The following PDE1A variants were observed in gnomAD, a reference collection of about 807,000 sequenced individuals.
The protein encoded by PDE1A is phosphodiesterase 1A.
In PDE1A, 35 loss-of-function variants were observed where a neutral mutation model predicts 61.7. That is an observed-to-expected ratio of 0.57 (90% CI 0.43 to 0.75). The LOEUF (loss-of-function observed/expected upper bound fraction) is 0.75, where lower values mean the gene tolerates loss of function less well. PDE1A is among the 30% of genes least tolerant of loss of function. The pLI is 0.00. For synonymous variants in PDE1A, 232 were observed against 213.2 expected (o/e 1.09, Z -0.77); for missense variants, 597 against 630.6 (o/e 0.95, Z 0.57).
At chr2:182,315,475 G>A (rs1696279052) in intron 1 of PDE1A, among the ~76,000 whole-genome samples, 1 of 152,114 alleles carries the variant, frequency 6.6e-6, no homozygotes, top group South Asian at 2.1e-4. Flanking sequence ...GGAAAAGAAA[G>A]CAATGTCTGA....
At chr2:182,212,070 T>C (rs1385994519) in intron 7 of PDE1A, among the ~76,000 whole-genome samples, 1 of 152,148 alleles carries the variant, frequency 6.6e-6, no homozygotes, top group African/African-American at 2.4e-5. Context: ...AGGGGACATC[T>C]TCCCTTGTTC....
intron 3 of PDE1A, among the ~76,000 whole-genome samples, chr2:182,235,921 C>A (rs963096462): frequency 6.6e-6 from 1 of 152,196 alleles, no homozygotes; most frequent in African/African-American, 2.4e-5. Context: ...TACTCAGTTT[C>A]TATGTAAAAG....
At chr2:182,714,605 C>T in the PDE1A span, among the ~76,000 whole-genome samples, 1 of 152,046 alleles carries the variant, frequency 6.6e-6, no homozygotes, top group Non-Finnish European at 1.5e-5. Context: ...TTGCTCTGTA[C>T]CCAGGCTGGT....
At chr2:182,705,048 T>C in the PDE1A span, among the ~76,000 whole-genome samples, 3 of 152,224 alleles carry the variant, frequency 2.0e-5, no homozygotes, top group Non-Finnish European at 2.9e-5. Flanking sequence ...ATAGTTCTCT[T>C]ACTTCTGCAA....
At chr2:182,372,623 C>A (rs1700179997) in intron 1 of PDE1A, among the ~76,000 whole-genome samples, 2 of 152,108 alleles carry the variant, frequency 1.3e-5, no homozygotes, top group African/African-American at 2.4e-5. Context: ...ATTTCACCCC[C>A]TAGTCTGACC....
chr2:182,406,373 T>TA (rs34640250), intron 1 of PDE1A, among the ~76,000 whole-genome samples: 65 of 149,152 alleles, frequency 4.4e-4, no homozygotes, highest in African/African-American at 1.2e-3. Context: ...TGGCTCACAG[T>TA]AAAAAAAAAA....
At chr2:182,680,788 C>T in the PDE1A span, among the ~76,000 whole-genome samples, 1 of 152,194 alleles carries the variant, frequency 6.6e-6, no homozygotes, top group African/African-American at 2.4e-5. Flanking sequence ...TAGAAGAAAA[C>T]AGCTTTATTG....
intron 3 of PDE1A, among the ~76,000 whole-genome samples, chr2:182,235,378 G>A (rs1489605407): frequency 3.9e-5 from 6 of 152,110 alleles, no homozygotes; most frequent in African/African-American, 9.7e-5. Flanking sequence ...TCCTAACCTC[G>A]TGATCCGCCC....
At chr2:182,643,991 G>T in the PDE1A span, among the ~76,000 whole-genome samples, 1 of 151,990 alleles carries the variant, frequency 6.6e-6, no homozygotes, top group Non-Finnish European at 1.5e-5. Flanking sequence ...AAATGCTGAT[G>T]ATTAATCTCT....
At chr2:182,664,780 A>G in the PDE1A span, among the ~76,000 whole-genome samples, 2 of 152,206 alleles carry the variant, frequency 1.3e-5, no homozygotes, top group African/African-American at 4.8e-5. Context: ...CTGGATCAAA[A>G]ATATCAAAGG....
chr2:182,599,351 C>CT, the PDE1A span, among the ~76,000 whole-genome samples: 1 of 152,118 alleles, frequency 6.6e-6, no homozygotes, highest in African/African-American at 2.4e-5. Context: ...TTAGGGTAGT[C>CT]TTTTTCTTTC....
At position 182,426,965 on chromosome 2, in the gene PDE1A, T is replaced by C. The variant is rs1056589260; in HGVS notation, c.-335A>G. On this transcript the variant is annotated 5_prime_UTR_variant, in exon 1 of 14. An upstream start codon of the reference 5' UTR is lost. Transcript: ENST00000351439. ...CAGAAAACTTCCTACCCCAGTGTCA[T>C]CCAGGTAGGAACTCCCTAAGTTATT... 4.8e-5 allele frequency: 50 copies of C among 1,039,404 alleles called. No homozygotes were observed. The highest frequency in any genetic ancestry group is 2.5e-5 in the Non-Finnish European group (22 of 865,290). The allele number at this position is 1,039,404 out of a possible 1,614,324, so 64.4% of individuals were successfully genotyped here.
chr2:182,227,311 G>T (rs1228158947), intron 6 of PDE1A, among the ~76,000 whole-genome samples: 1 of 151,990 alleles, frequency 6.6e-6, no homozygotes, highest in Non-Finnish European at 1.5e-5. Context: ...GTGTGTGCCT[G>T]TGGGACAGAA....
At chr2:182,569,456 T>C in the PDE1A span, among the ~76,000 whole-genome samples, 6 of 152,044 alleles carry the variant, frequency 3.9e-5, no homozygotes, top group Non-Finnish European at 8.8e-5. Context: ...ATTCTGAGTG[T>C]CCTCTTTATC....
chr2:182,332,920 G>A (rs973444174), intron 1 of PDE1A, among the ~76,000 whole-genome samples: 2 of 152,086 alleles, frequency 1.3e-5, no homozygotes, highest in Non-Finnish European at 2.9e-5. Context: ...AAAAAAGCAG[G>A]GATTGCAATC....
intron 2 of PDE1A, among the ~76,000 whole-genome samples, chr2:182,492,984 C>G (rs1403284975): frequency 1.4e-5 from 2 of 145,404 alleles, no homozygotes; most frequent in African/African-American, 5.0e-5. Flanking sequence ...ATTATGGTGG[C>G]AAAAAAAAAA....
At chr2:182,587,180 T>C in the PDE1A span, among the ~76,000 whole-genome samples, 3 of 152,178 alleles carry the variant, frequency 2.0e-5, no homozygotes, top group Non-Finnish European at 4.4e-5. Context: ...AGGAACCAGG[T>C]CACACAAGGT....
chr2:182,408,707 T>C (rs1283309791), intron 1 of PDE1A, among the ~76,000 whole-genome samples: 1 of 152,142 alleles, frequency 6.6e-6, no homozygotes, highest in African/African-American at 2.4e-5. Flanking sequence ...CACCTACTGC[T>C]CTCTCTATCA....
chr2:182,483,920 G>A (rs1307785652), intron 2 of PDE1A, among the ~76,000 whole-genome samples: 1 of 151,744 alleles, frequency 6.6e-6, no homozygotes, highest in African/African-American at 2.4e-5. Flanking sequence ...AAGAATGAAA[G>A]AGTAGACATC....
Sources: gnomAD v4.1 joint callset for allele counts (sites outside exome capture counted in the v4.1 genomes callset) on GRCh38, gnomAD v4.1.1 for gene constraint, MANE v1.5 for transcripts, NCBI Gene and HGNC (gene_info 2026-07-23, HGNC 2026-07-21) for gene names.